AIM2: variants seen among roughly 807,000 people sequenced by gnomAD.
AIM2 encodes the protein interferon-inducible protein AIM2.
Under a neutral mutation model 27.7 loss-of-function variants are expected in AIM2, and 30 were observed. The observed-to-expected ratio is 1.08, with a 90% confidence interval of 0.81 to 1.47. AIM2 has a LOEUF of 1.47. Among genes scored for constraint, AIM2 ranks in the 40% most tolerant of loss-of-function variants. The pLI is 0.00. For missense variants in AIM2, 358 were observed against 411.3 expected (o/e 0.87, Z 1.12); for synonymous variants, 141 against 145.3 (o/e 0.97, Z 0.21).
chr1:159,091,408 C>T (rs1031401861), intron 1 of AIM2, among the ~76,000 whole-genome samples: 4 of 152,160 alleles, frequency 2.6e-5, no homozygotes, highest in Non-Finnish European at 5.9e-5. Context: ...TCTGCCTTTC[C>T]CTTTACTTAT....
the AIM2 span, among the ~76,000 whole-genome samples, chr1:159,056,289 G>A: frequency 6.6e-6 from 1 of 152,136 alleles, no homozygotes; most frequent in South Asian, 2.1e-4. Flanking sequence ...ACTGGAAATG[G>A]CGCAAACTTC....
intron 2 of AIM2, among the ~76,000 whole-genome samples, chr1:159,071,534 G>A (rs1047349549): frequency 5.3e-5 from 8 of 152,056 alleles, no homozygotes; most frequent in African/African-American, 1.2e-4. Context: ...TTTGAGACAG[G>A]GTCTCACTGT....
intron 1 of AIM2, 120 bp from the exon 2 acceptor site, chr1:159,073,639 A>C: frequency 1.0e-6 from 1 of 989,334 alleles, no homozygotes. Context: ...GTAGTAAAAG[A>C]GATTTGAGTA....
chr1:159,074,997 C>A (rs1358624836), intron 1 of AIM2, among the ~76,000 whole-genome samples: 1 of 152,012 alleles, frequency 6.6e-6, no homozygotes, highest in Admixed American at 6.5e-5. Context: ...CAAAAACCTG[C>A]AAAACAAGTT....
upstream of AIM2, among the ~76,000 whole-genome samples, chr1:159,145,455 T>G (rs1648184561): frequency 6.6e-6 from 1 of 152,118 alleles, no homozygotes; most frequent in Non-Finnish European, 1.5e-5. Flanking sequence ...TTCTCATACT[T>G]GAAGAGGGAA....
At chr1:159,063,462 G>T in intron 5 of AIM2, 24 bp downstream of exon 5, 1 of 1,590,102 alleles carries the variant, frequency 6.3e-7, no homozygotes, top group South Asian at 1.2e-5. Flanking sequence ...TTGGAGAGTT[G>T]ACTTTGTTCC....
intron 1 of AIM2, among the ~76,000 whole-genome samples, chr1:159,089,036 C>T (rs973690664): frequency 6.6e-6 from 1 of 152,214 alleles, no homozygotes; most frequent in Non-Finnish European, 1.5e-5. Flanking sequence ...AAACCCATTA[C>T]ATCTTACTTC....
intron 1 of AIM2, among the ~76,000 whole-genome samples, chr1:159,133,962 C>T (rs1464850345): frequency 6.6e-6 from 1 of 152,178 alleles, no homozygotes; most frequent in Non-Finnish European, 1.5e-5. Context: ...ACGTGTGTGA[C>T]ATCTCCTCTA....
chr1:159,105,895 C>T (rs973409604), intron 1 of AIM2, among the ~76,000 whole-genome samples: 1 of 152,106 alleles, frequency 6.6e-6, no homozygotes, highest in Non-Finnish European at 1.5e-5. Context: ...ACAGCCTGGC[C>T]CCCATGCTTC....
At chr1:159,076,603 T>A (rs1386909633) in intron 1 of AIM2, 30 bp downstream of exon 1, 1 of 152,154 alleles carries the variant, frequency 6.6e-6, no homozygotes, top group Admixed American at 6.5e-5. Context: ...AAGTCTCTCG[T>A]CTCTAACCCA....
intron 1 of AIM2, among the ~76,000 whole-genome samples, chr1:159,101,009 A>G (rs1657300303): frequency 6.6e-6 from 1 of 152,206 alleles, no homozygotes; most frequent in Non-Finnish European, 1.5e-5. Context: ...ACATAACAAG[A>G]AGTACACCTC....
chr1:159,064,291 A>G (rs538167773), intron 4 of AIM2, among the ~76,000 whole-genome samples: 1 of 152,234 alleles, frequency 6.6e-6, no homozygotes, highest in Admixed American at 6.5e-5. Context: ...TACTTAGAAC[A>G]TGTTGTCTCC....
intron 1 of AIM2, among the ~76,000 whole-genome samples, chr1:159,088,836 C>T (rs1035281223): frequency 2.6e-5 from 4 of 152,170 alleles, no homozygotes; most frequent in African/African-American, 9.7e-5. Flanking sequence ...CAAGAAGGCC[C>T]TCACCAGATG....
At chr1:159,077,793 G>A (rs891089245), upstream of AIM2, among the ~76,000 whole-genome samples, 1 of 152,152 alleles carries the variant, frequency 6.6e-6, no homozygotes, top group Non-Finnish European at 1.5e-5. Flanking sequence ...CAATTTACTT[G>A]AGGTTTTCCT....
In AIM2 at chr1:159,073,504, C is replaced by T. The variant is rs1489148074; in HGVS notation, c.-5G>A. On this transcript the variant is annotated 5_prime_UTR_variant, in exon 2 of 6. Coordinates refer to ENST00000368130, the MANE Select transcript of AIM2 (RefSeq NM_004833.3). ...CTCCTTGTATTTACTCTCCATCTGA[C>T]AACTTTGGGATCAGCCTATAAGGAA... 2.5e-6 allele frequency: 4 copies of T among 1,612,714 alleles called. No individual in the cohort carries two copies. Among genetic ancestry groups the T allele is most frequent in the South Asian group, 1.1e-5 (1 of 91,068 alleles).
chr1:159,056,429 G>A, the AIM2 span, among the ~76,000 whole-genome samples: 79 of 152,118 alleles, frequency 5.2e-4, no homozygotes, highest in Middle Eastern at 6.8e-3. Context: ...ATAAGGATAA[G>A]GATAAGGACA....
At chr1:159,126,648 C>CAAAAAAAAAA (rs35354479) in intron 1 of AIM2, among the ~76,000 whole-genome samples, 1 of 113,682 alleles carries the variant, frequency 8.8e-6, no homozygotes. Context: ...GACTACGTCT[C>CAAAAAAAAAA]AAAAAAAAAA....
intron 1 of AIM2, among the ~76,000 whole-genome samples, chr1:159,131,745 T>C (rs987699193): frequency 6.9e-6 from 1 of 144,846 alleles, no homozygotes; most frequent in Admixed American, 6.8e-5. Flanking sequence ...TCAATAATAC[T>C]GCTCAATCTA....
chr1:159,086,515 C>A (rs1277775514), intron 1 of AIM2, among the ~76,000 whole-genome samples: 1 of 152,242 alleles, frequency 6.6e-6, no homozygotes, highest in African/African-American at 2.4e-5. Flanking sequence ...TCTCCTCCCC[C>A]ATCTGGCTAA....
Sources: allele counts gnomAD v4.1 joint callset (sites outside exome capture counted in the v4.1 genomes callset), GRCh38; gene constraint gnomAD v4.1.1; transcripts MANE v1.5; gene names NCBI Gene and HGNC (gene_info 2026-07-23, HGNC 2026-07-21).